CSMD1: variants seen among roughly 807,000 people sequenced by gnomAD.
CSMD1 encodes the protein CUB and Sushi multiple domains 1.
A neutral mutation model predicts 417.5 loss-of-function variants in CSMD1; 213 were observed. The observed-to-expected ratio is 0.51, with a 90% CI of 0.46 to 0.57. The LOEUF (loss-of-function observed/expected upper bound fraction) is 0.57, where lower values mean the gene tolerates loss of function less well. Among genes scored for constraint, CSMD1 ranks in the 20% least tolerant of loss-of-function variants. CSMD1 has a pLI of 0.00. For synonymous variants in CSMD1, 2,862 were observed against 1,736.8 expected, an observed-to-expected ratio of 1.65 and a Z score of -16.11; for missense variants, 6,923 against 4,529.7, an observed-to-expected ratio of 1.53 and a Z score of -15.17.
intron 1 of CSMD1, among the ~76,000 whole-genome samples, chr8:4,696,989 T>C (rs1373366404): frequency 6.6e-6 from 1 of 152,032 alleles, no homozygotes; most frequent in Non-Finnish European, 1.5e-5. Context: ...CTGACGAACA[T>C]GGTGAAACCC....
intron 5 of CSMD1, among the ~76,000 whole-genome samples, chr8:3,899,388 AC>A (rs1807577634): frequency 6.6e-6 from 1 of 152,132 alleles, no homozygotes; most frequent in Non-Finnish European, 1.5e-5. Context: ...ACTGAACATG[AC>A]CCATATGGGT....
intron 3 of CSMD1, among the ~76,000 whole-genome samples, chr8:4,119,560 T>A (rs1802360842): frequency 6.7e-6 from 1 of 148,310 alleles, no homozygotes; most frequent in Non-Finnish European, 1.5e-5. Flanking sequence ...GCCTTAAGGG[T>A]GTAGACCAGA....
intron 2 of CSMD1, among the ~76,000 whole-genome samples, chr8:4,613,488 A>G (rs1801300634): frequency 1.3e-5 from 2 of 152,192 alleles, no homozygotes; most frequent in Non-Finnish European, 2.9e-5. Flanking sequence ...GGAAGAGCAT[A>G]CTTACACTAC....
chr8:4,008,995 G>T (rs754900443), intron 4 of CSMD1, among the ~76,000 whole-genome samples: 4 of 152,066 alleles, frequency 2.6e-5, no homozygotes, highest in Non-Finnish European at 5.9e-5. Context: ...CAGTGGGTAG[G>T]TTTTGTGCCC....
chr8:3,210,120 G>A (rs1797517989), intron 30 of CSMD1, among the ~76,000 whole-genome samples: 1 of 152,180 alleles, frequency 6.6e-6, no homozygotes, highest in Non-Finnish European at 1.5e-5. Context: ...ATTTACAGTG[G>A]AGCAAAAGGC....
intron 5 of CSMD1, among the ~76,000 whole-genome samples, chr8:3,976,063 T>A (rs1000340438): frequency 8.5e-5 from 13 of 152,242 alleles, no homozygotes; most frequent in African/African-American, 3.1e-4. Flanking sequence ...GTATTTGATA[T>A]GTTAAATTTT....
At position 3,308,466 on chromosome 8, in the gene CSMD1, A is replaced by C; in HGVS notation, c.3669T>G (p.Pro1223=). The C allele has an allele frequency of 2.5e-6, 4 of 1,613,542 alleles. No homozygotes were observed. The highest frequency in any genetic ancestry group is 1.7e-5 in the Admixed American group (1 of 59,990). ...CATCACGGATCCTATAGCCGTAGTT[A>C]GGGATGCCCGGATCCTCACATTTTA... ...DLVKCEDPGI[P]NYGYRIRDEG... The change falls in exon 24 of 70, where the codon CCT becomes CCG. Residue 1223 remains proline (P), a synonymous_variant. Transcript: ENST00000635120.
chr8:3,706,592 TCTC>T (rs1439717226), intron 7 of CSMD1, among the ~76,000 whole-genome samples: 1 of 152,168 alleles, frequency 6.6e-6, no homozygotes, highest in African/African-American at 2.4e-5. Flanking sequence ...GAAGAGATAT[TCTC>T]CTTATTACAA....
At chr8:3,416,062 G>C (rs1160712260) in intron 12 of CSMD1, among the ~76,000 whole-genome samples, 1 of 152,134 alleles carries the variant, frequency 6.6e-6, no homozygotes, top group Non-Finnish European at 1.5e-5. Context: ...AGCACTTTGG[G>C]AGGCGGAGAC....
chr8:4,801,609 C>T (rs534087818), intron 1 of CSMD1, among the ~76,000 whole-genome samples: 12 of 152,162 alleles, frequency 7.9e-5, no homozygotes, highest in South Asian at 4.1e-4. Context: ...ACCTCTATGC[C>T]GCTTTGACAC....
At chr8:4,225,063 C>T (rs1308013413) in intron 3 of CSMD1, among the ~76,000 whole-genome samples, 1 of 152,114 alleles carries the variant, frequency 6.6e-6, no homozygotes, top group Non-Finnish European at 1.5e-5. Context: ...AGTGAGCTGA[C>T]ATCACACCAC....
At chr8:3,669,640 C>T (rs796823097) in intron 7 of CSMD1, among the ~76,000 whole-genome samples, 1 of 152,106 alleles carries the variant, frequency 6.6e-6, no homozygotes, top group Non-Finnish European at 1.5e-5. Context: ...CCGCTGGGTA[C>T]ATCATTTATT....
intron 2 of CSMD1, among the ~76,000 whole-genome samples, chr8:4,572,528 T>G (rs1403473294): frequency 1.3e-5 from 2 of 152,148 alleles, no homozygotes; most frequent in Non-Finnish European, 2.9e-5. Flanking sequence ...AACCCAACCT[T>G]TCTCTCTAGC....
At chr8:3,892,900 T>A (rs1807081035) in intron 5 of CSMD1, among the ~76,000 whole-genome samples, 1 of 151,682 alleles carries the variant, frequency 6.6e-6, no homozygotes, top group Non-Finnish European at 1.5e-5. Context: ...AGCGTTGATG[T>A]GGACAGAGCA....
intron 2 of CSMD1, among the ~76,000 whole-genome samples, chr8:4,619,253 G>C (rs13275819): frequency 0.06 from 9,161 of 152,150 alleles, 455 homozygotes; most frequent in East Asian, 0.16. Context: ...ATTACATGTT[G>C]TTATGTTTAA....
At chr8:3,597,519 C>T (rs1161329370) in intron 8 of CSMD1, among the ~76,000 whole-genome samples, 2 of 152,104 alleles carry the variant, frequency 1.3e-5, no homozygotes, top group Non-Finnish European at 2.9e-5. Flanking sequence ...AAAACATGAG[C>T]CACATGTTTT....
chr8:3,673,226 A>G (rs1238515900), intron 7 of CSMD1, among the ~76,000 whole-genome samples: 1 of 152,204 alleles, frequency 6.6e-6, no homozygotes, highest in African/African-American at 2.4e-5. Flanking sequence ...GAACCACAAT[A>G]AACATTTCCA....
chr8:4,059,179 C>T (rs1357192571), intron 3 of CSMD1, among the ~76,000 whole-genome samples: 1 of 152,170 alleles, frequency 6.6e-6, no homozygotes, highest in Non-Finnish European at 1.5e-5. Flanking sequence ...GAACAACCTG[C>T]TGCTGAATGA....
At chr8:4,784,659 G>A (rs1200440979) in intron 1 of CSMD1, among the ~76,000 whole-genome samples, 1 of 152,098 alleles carries the variant, frequency 6.6e-6, no homozygotes, top group African/African-American at 2.4e-5. Context: ...TAAAAGAAGG[G>A]CAAATATTTT....
Sources: allele counts gnomAD v4.1 joint callset (sites outside exome capture counted in the v4.1 genomes callset), GRCh38; gene constraint gnomAD v4.1.1; transcripts MANE v1.5; gene names NCBI Gene and HGNC (gene_info 2026-07-23, HGNC 2026-07-21).